ZFHX3: variants seen among roughly 807,000 people sequenced by gnomAD.
ZFHX3 encodes zinc finger homeobox protein 3.
Under a neutral mutation model 279.1 loss-of-function variants are expected in ZFHX3, and 42 were observed. The observed-to-expected ratio is 0.15, with a 90% CI of 0.12 to 0.19. The LOEUF is 0.19. Ranked by LOEUF, ZFHX3 falls within the 10% of genes least tolerant of loss-of-function variation. The pLI, the probability that ZFHX3 is intolerant of heterozygous loss-of-function variation, is 1.00. For synonymous variants in ZFHX3, 2,293 were observed against 1,957.8 expected, an observed-to-expected ratio of 1.17 and a Z score of -4.52; for missense variants, 4,981 against 4,754.0, an observed-to-expected ratio of 1.05 and a Z score of -1.40.
chr16:72,798,101 G>GA lies in ZFHX3; in HGVS notation c.4580dup (p.Arg1528GlnfsTer45). 6.2e-7 allele frequency: 1 copy of GA among 1,614,224 alleles called. No homozygotes were observed. Among genetic ancestry groups the GA allele is most frequent in the Non-Finnish European group, 8.5e-7 (1 of 1,180,038 alleles). On this transcript the variant is annotated frameshift_variant, in exon 9 of 10. Coordinates refer to ENST00000268489, the MANE Select transcript of ZFHX3 (RefSeq NM_006885.4). LOFTEE classifies it high-confidence loss of function. ...CCATAGTAAAATTGGGACCTTTTCT[G>GA]AAAGGCAGAGCTCTCTTTGGCTCTG... is the stretch of plus-strand genomic sequence containing the variant.
In ZFHX3 at chr16:73,865,325, C is replaced by A. The variant is rs145511950; in HGVS notation, c.-1608+26326G>T. ...AGGCCTGGAATCTATGCAAATAGGC[C>A]ATGCAGAGATGTTAAGGCCCCCAAG... is the stretch of plus-strand genomic sequence containing the variant. On this transcript the variant is annotated intron_variant, in intron 1 of 17. Coordinates refer to the ZFHX3 transcript ENST00000641206. 2.0e-3 allele frequency among the ~76,000 whole-genome samples: 312 copies of A among 152,220 alleles called. 4 individuals are homozygous for A. The East Asian group carries it at 0.05, about 24-fold the overall frequency.
At chr16:73,315,415 G>A (rs145638919) in intron 4 of ZFHX3, among the ~76,000 whole-genome samples, 5 of 151,986 alleles carry the variant, frequency 3.3e-5, no homozygotes, top group East Asian at 3.9e-4. Flanking sequence ...TATACCTCTC[G>A]CTGATAGGAA....
At chr16:73,135,646 G>A (rs2144825852) in intron 6 of ZFHX3, among the ~76,000 whole-genome samples, 1 of 151,438 alleles carries the variant, frequency 6.6e-6, no homozygotes, top group East Asian at 1.9e-4. Context: ...ATGTGCGGAT[G>A]TTCGAATCAA....
chr16:73,785,318 T>C (rs750665198), intron 1 of ZFHX3, among the ~76,000 whole-genome samples: 11 of 152,232 alleles, frequency 7.2e-5, no homozygotes, highest in Non-Finnish European at 1.5e-4. Flanking sequence ...TCTATGTATC[T>C]ACCAAAAATT....
At chr16:72,902,868 C>T (rs1003007233) in intron 3 of ZFHX3, among the ~76,000 whole-genome samples, 4 of 152,142 alleles carry the variant, frequency 2.6e-5, no homozygotes, top group African/African-American at 4.8e-5. Flanking sequence ...GTCTGACAGT[C>T]GCGCAGGCCA....
At chr16:73,791,843 T>C (rs750100805) in intron 1 of ZFHX3, among the ~76,000 whole-genome samples, 42 of 152,250 alleles carry the variant, frequency 2.8e-4, no homozygotes, top group Non-Finnish European at 4.1e-4. Context: ...ATGAGTGTTA[T>C]AGTATGCTAA....
intron 3 of ZFHX3, among the ~76,000 whole-genome samples, chr16:73,384,099 G>A (rs1472430554): frequency 6.6e-6 from 1 of 152,234 alleles, no homozygotes; most frequent in Non-Finnish European, 1.5e-5. Context: ...CAACAACCAT[G>A]TGAATTCAAT....
rs759206019 is a variant in ZFHX3 at position 72,958,715 on chromosome 16, TTCC to T, written c.1428_1430del (p.Glu487del). ...CCTCCTCTTCTTCCTCCTCCTCTTC[TTCC>T]TCCTCCTCCTCCGCCTCTTCCTCCT... On this transcript the variant is annotated inframe_deletion, in exon 2 of 10. Coordinates refer to ENST00000268489, the MANE Select transcript of ZFHX3 (RefSeq NM_006885.4). 110 of 1,611,870 alleles carry T rather than the reference TTCC, an allele frequency of 6.8e-5. No individual in the cohort carries two copies. The highest frequency in any genetic ancestry group is 2.0e-4 in the African/African-American group (15 of 74,782).
intron 4 of ZFHX3, among the ~76,000 whole-genome samples, chr16:72,872,936 C>T (rs150012762): frequency 6.6e-6 from 1 of 152,174 alleles, no homozygotes; most frequent in Non-Finnish European, 1.5e-5. Context: ...CATTGGCTCC[C>T]GACCAGAGTC....
At position 73,312,391 on chromosome 16, in the gene ZFHX3, G is replaced by GA. The variant is rs900823928; in HGVS notation, c.-1194+5848dup. Among the ~76,000 whole-genome samples, 347 of 144,920 alleles carry GA rather than the reference G, an allele frequency of 2.4e-3. 3 individuals carry two copies. Among genetic ancestry groups the GA allele is most frequent in the African/African-American group, 7.1e-3 (282 of 39,716 alleles). On this transcript the variant is annotated intron_variant, in intron 4 of 17. Coordinates refer to the ZFHX3 transcript ENST00000641206. Reference sequence around the variant, plus strand: ...CTTTCACATAACTTCCAAACACAAAGAAAAAAAAAAACTCTTCTAAATCTT... The same window carrying GA: ...CTTTCACATAACTTCCAAACACAAAGAAAAAAAAAAAACTCTTCTAAATCTT...
intron 2 of ZFHX3, among the ~76,000 whole-genome samples, chr16:73,632,686 A>G (rs1171822815): frequency 6.8e-6 from 1 of 146,474 alleles, no homozygotes; most frequent in Non-Finnish European, 1.5e-5. Context: ...CTCTGTCTCA[A>G]AAAAAAAAAA....
intron 2 of ZFHX3, among the ~76,000 whole-genome samples, chr16:73,480,772 A>G (rs1209940383): frequency 6.6e-6 from 1 of 152,196 alleles, no homozygotes; most frequent in East Asian, 1.9e-4. Context: ...CCACATTGCC[A>G]GACACTAGCT....
chr16:72,979,191 C>T (rs1296441696), intron 1 of ZFHX3, among the ~76,000 whole-genome samples: 1 of 152,230 alleles, frequency 6.6e-6, no homozygotes, highest in African/African-American at 2.4e-5. Context: ...CCACCTCCAT[C>T]ATCCTCAGCA....
chr16:72,817,825 T>C (rs1302646851), intron 5 of ZFHX3, among the ~76,000 whole-genome samples: 1 of 152,180 alleles, frequency 6.6e-6, no homozygotes, highest in East Asian at 1.9e-4. Context: ...ACTTGAACCT[T>C]GTGGGGAATC....
chr16:73,550,826 C>G (rs2020192243), intron 2 of ZFHX3, among the ~76,000 whole-genome samples: 1 of 152,136 alleles, frequency 6.6e-6, no homozygotes, highest in African/African-American at 2.4e-5. Flanking sequence ...GTTTCCAGGG[C>G]AGTCTTCTGA....
chr16:73,120,822 T>A (rs1259649755), intron 7 of ZFHX3, among the ~76,000 whole-genome samples: 1 of 151,842 alleles, frequency 6.6e-6, no homozygotes, highest in Non-Finnish European at 1.5e-5. Flanking sequence ...GCCCGGCGAA[T>A]TTTTTATATT....
At chr16:73,598,304 A>G (rs1236775392) in intron 2 of ZFHX3, among the ~76,000 whole-genome samples, 1 of 152,192 alleles carries the variant, frequency 6.6e-6, no homozygotes, top group African/African-American at 2.4e-5. Flanking sequence ...CTTCTGGTTT[A>G]GCTAGGTCAA....
At chr16:73,888,682 T>C (rs1381674907) in intron 1 of ZFHX3, among the ~76,000 whole-genome samples, 2 of 152,152 alleles carry the variant, frequency 1.3e-5, no homozygotes, top group Non-Finnish European at 2.9e-5. Flanking sequence ...ATGCCGATTC[T>C]GAAAACGATA....
chr16:73,754,875 G>T (rs188929023), intron 1 of ZFHX3, among the ~76,000 whole-genome samples: 1 of 152,084 alleles, frequency 6.6e-6, no homozygotes, highest in African/African-American at 2.4e-5. Flanking sequence ...AAATTTCACC[G>T]ATTTCTCAGA....
Sources: allele counts gnomAD v4.1 joint callset (sites outside exome capture counted in the v4.1 genomes callset), GRCh38; gene constraint gnomAD v4.1.1; transcripts MANE v1.5; gene names NCBI Gene and HGNC (gene_info 2026-07-23, HGNC 2026-07-21).